The following IL17RA variants were observed in gnomAD, a reference collection of about 807,000 sequenced individuals.
IL17RA encodes the protein interleukin 17 receptor A.
IL17RA carries 34 observed loss-of-function variants against 50.4 expected under a neutral mutation model. The ratio of observed to expected loss-of-function variants is 0.67; its 90% CI spans 0.51 to 0.90. The LOEUF is 0.90. IL17RA is among the 40% of genes least tolerant of loss of function. IL17RA has a pLI of 0.00. For missense variants in IL17RA, 1,276 were observed against 1,169.8 expected (o/e 1.09, Z -1.32); for synonymous variants, 585 against 510.4 (o/e 1.15, Z -1.97).
At chr22:17,105,689 C>A in intron 10 of IL17RA, 87 bp downstream of exon 10, 1 of 1,517,458 alleles carries the variant, frequency 6.6e-7, no homozygotes, top group Non-Finnish European at 9.1e-7. Flanking sequence ...CTCAGCCAGG[C>A]AGACAAGGCT....
At position 17,114,562 on chromosome 22, in the gene IL17RA, G is replaced by A. The variant is rs1388253655; in HGVS notation, c.*4742G>A. On this transcript the variant is annotated 3_prime_UTR_variant, in exon 13 of 13. Transcript: ENST00000319363. ...TCCTCTCTGATGAGACAGGAAGAAG[G>A]TACACAGTGACCAGGTAGGAGGAGG... is the stretch of plus-strand genomic sequence containing the variant. The A allele has an allele frequency of 6.6e-6, 1 of 152,288 alleles. No individual in the cohort carries two copies. Among genetic ancestry groups the A allele is most frequent in the African/African-American group, 2.4e-5 (1 of 41,416 alleles). 9.4% of individuals were successfully genotyped at this position (152,288 alleles called of 1,614,324 possible).
At position 17,112,100 on chromosome 22, in the gene IL17RA, T is replaced by G. The variant is rs566620208; in HGVS notation, c.*2280T>G. The stretch of plus-strand genomic sequence containing the variant: ...TGACCTTTCCCTAGCTTCCAATAAA[T>G]AACTGTTTGACGCCCAGAGTACAGG... On this transcript the variant is annotated 3_prime_UTR_variant, in exon 13 of 13. Transcript: ENST00000319363. 4 of 152,348 alleles carry G rather than the reference T, an allele frequency of 2.6e-5. No homozygotes were observed. In the East Asian group the frequency reaches 7.7e-4, roughly 29 times the overall value. The allele number at this position is 152,348 out of a possible 1,614,324, so 9.4% of individuals were successfully genotyped here.
At chr22:17,104,033 T>A (rs13054229) in intron 8 of IL17RA, among the ~76,000 whole-genome samples, 9 of 2,608 alleles carry the variant, frequency 3.5e-3, no homozygotes, top group Admixed American at 9.8e-3. Context: ...AGGTGGAGAG[T>A]GTGGTGTGGC....
intron 1 of IL17RA, among the ~76,000 whole-genome samples, chr22:17,091,597 G>T (rs1410419633): frequency 6.6e-6 from 1 of 151,900 alleles, no homozygotes; most frequent in African/African-American, 2.4e-5. Context: ...AGAATGGGGG[G>T]AACCTGGGAG....
Position 17,094,668 on chromosome 22 carries a change from T to TCTCTCTCTCTCTCTCTCTCTCTCC in IL17RA, c.139-2371_139-2370insCCTCTCTCTCTCTCTCTCTCTCTC, listed in dbSNP as rs1568917395. On this transcript the variant is annotated intron_variant, in intron 1 of 12. Coordinates refer to ENST00000319363, the MANE Select transcript of IL17RA (RefSeq NM_014339.7). ...TAGTCATACACACACTCTCTCTCTCTCTCTCTCTCTCTCTCTCTCTCTCTA... is the reference window on the plus strand; with the variant it reads ...TAGTCATACACACACTCTCTCTCTCTCTCTCTCTCTCTCTCTCTCTCTCCCTCTCTCTCTCTCTCTCTCTCTCTA... Among the ~76,000 whole-genome samples the TCTCTCTCTCTCTCTCTCTCTCTCC allele has an allele frequency of 7.9e-4, 27 of 34,390 alleles. 1 individual carries two copies. Among genetic ancestry groups the TCTCTCTCTCTCTCTCTCTCTCTCC allele is most frequent in the African/African-American group, 4.5e-3 (24 of 5,378 alleles). 22.6% of individuals were successfully genotyped at this position (34,390 alleles called of 152,430 possible).
At position 17,102,122 on chromosome 22, in the gene IL17RA, G is replaced by C. The variant is rs41444249; in HGVS notation, c.599-17G>C. 3.7e-6 allele frequency: 6 copies of C among 1,614,000 alleles called. No individual in the cohort carries two copies. In the African/African-American group the frequency reaches 8.0e-5, roughly 22 times the overall value. ...GTGCCCCTCCTCACTCCCAGCCTGC[G>C]TGTGTGACCTTGGCAGGCAGCCTGT... On this transcript the variant is annotated splice_polypyrimidine_tract_variant and intron_variant, in intron 6 of 12. Transcript: ENST00000319363.
At chr22:17,085,897 G>A (rs917564847) in intron 1 of IL17RA, among the ~76,000 whole-genome samples, 4 of 152,180 alleles carry the variant, frequency 2.6e-5, no homozygotes, top group Non-Finnish European at 4.4e-5. Context: ...TGCCGAGGGC[G>A]GCTGAGGGCC....
chr22:17,109,501 G>A lies in IL17RA; in HGVS notation c.2282G>A (p.Ser761Asn). ...CTCTCGCTCTTCGAGCAGAGTCTGA[G>A]CTGCCAGGCCCAGGGGGGCTGCAGT... ...LMLSLFEQSLSCQAQGGCSRP... is the reference protein window; with the variant it reads ...LMLSLFEQSLNCQAQGGCSRP... The change falls in exon 13 of 13, where the codon AGC (serine) becomes AAC (asparagine). Residue 761 changes from serine to asparagine, a missense_variant. Physicochemically the swap from Ser to Asn is conservative, Grantham distance 46. Transcript: ENST00000319363. The A allele has an allele frequency of 6.2e-7, 1 of 1,604,946 alleles. No individual in the cohort carries two copies. The highest frequency in any genetic ancestry group is 8.5e-7 in the Non-Finnish European group (1 of 1,175,612).
intron 1 of IL17RA, among the ~76,000 whole-genome samples, chr22:17,094,691 C>CTCTCTCTCTATATATATATATATA (rs1448096911): frequency 8.1e-5 from 2 of 24,700 alleles, no homozygotes; most frequent in African/African-American, 2.3e-4. Flanking sequence ...CTCTCTCTCT[C>CTCTCTCTCTATATATATATATATA]TATATATATA....
chr22:17,108,593 C>T lies in IL17RA; in HGVS notation c.1374C>T (p.Leu458=). The T allele has an allele frequency of 6.2e-7, 1 of 1,605,256 alleles. No homozygotes were observed. The highest frequency in any genetic ancestry group is 8.5e-7 in the Non-Finnish European group (1 of 1,179,682). The change falls in exon 13 of 13, where the codon CTC becomes CTT. Residue 458 remains leucine, a synonymous_variant. Transcript: ENST00000319363. ...SRGTRAKWQA[L]LGRGAPVRLR... ...GCACGCGCGCCAAGTGGCAGGCGCTCCTGGGCCGGGGGGCGCCTGTGCGGC... is the reference window on the plus strand; with the variant it reads ...GCACGCGCGCCAAGTGGCAGGCGCTTCTGGGCCGGGGGGCGCCTGTGCGGC...
chr22:17,113,743 T>G lies in IL17RA; in HGVS notation c.*3923T>G, dbSNP rs1377231796. On this transcript the variant is annotated 3_prime_UTR_variant, in exon 13 of 13. Transcript: ENST00000319363. ...CGCTGCTCCAGCAGCCGGGCCTGCA[T>G]CCCACAAGTCAACTGTGTCGGACAG... 1 of 152,262 alleles carries G rather than the reference T, an allele frequency of 6.6e-6. No individual in the cohort carries two copies. The highest frequency in any genetic ancestry group is 1.5e-5 in the Non-Finnish European group (1 of 68,062). 9.4% of individuals were successfully genotyped at this position (152,262 alleles called of 1,614,324 possible). A position where few individuals can be genotyped will look rare whatever the true frequency, so the allele number is the denominator to read the frequency against.
At position 17,108,647 on chromosome 22, in the gene IL17RA, G is replaced by C. The variant is rs751296346; in HGVS notation, c.1428G>C (p.Gly476=). Residue 476 remains glycine, a synonymous_variant, in exon 13 of 13, where the codon GGG becomes GGC. Coordinates refer to ENST00000319363, the MANE Select transcript of IL17RA (RefSeq NM_014339.7). ...GCTGCGACCACGGAAAGCCCGTGGGGGACCTGTTCACTGCAGCCATGAACA... is the reference window on the plus strand; with the variant it reads ...GCTGCGACCACGGAAAGCCCGTGGGCGACCTGTTCACTGCAGCCATGAACA... ...RLRCDHGKPV[G]DLFTAAMNMI... The C allele has an allele frequency of 7.5e-6, 12 of 1,606,662 alleles. No individual in the cohort carries two copies. The highest frequency in any genetic ancestry group is 1.0e-5 in the Non-Finnish European group (12 of 1,179,740).
At chr22:17,099,091 G>A (rs1448764489) in intron 4 of IL17RA, among the ~76,000 whole-genome samples, 4 of 152,118 alleles carry the variant, frequency 2.6e-5, no homozygotes, top group Admixed American at 6.6e-5. Flanking sequence ...GGGACAGAGC[G>A]TATTTTTGAA....
intron 1 of IL17RA, among the ~76,000 whole-genome samples, chr22:17,094,718 T>TATATATATATATATA (rs1228649948): frequency 4.7e-4 from 55 of 116,212 alleles, no homozygotes; most frequent in African/African-American, 8.8e-4. Flanking sequence ...TATATATATA[T>TATATATATATATATA]TCAGGGAGAT....
At position 17,108,866 on chromosome 22, in the gene IL17RA, C is replaced by T. The variant is rs1568923665; in HGVS notation, c.1647C>T (p.Arg549=). 6.2e-7 allele frequency: 1 copy of T among 1,609,780 alleles called. No homozygotes were observed. Among genetic ancestry groups the T allele is most frequent in the Non-Finnish European group, 8.5e-7 (1 of 1,178,346 alleles). ...LEMFQPGRMH[R]VGELSGDNYL... Reference sequence around the variant, plus strand: ...TGTTCCAGCCGGGCCGCATGCACCGCGTAGGGGAGCTGTCGGGGGACAACT... The same window carrying T: ...TGTTCCAGCCGGGCCGCATGCACCGTGTAGGGGAGCTGTCGGGGGACAACT... The change falls in exon 13 of 13, where the codon CGC becomes CGT. Residue 549 remains arginine (R), a synonymous_variant. Transcript: ENST00000319363.
chr22:17,094,367 C>G (rs972149031), intron 1 of IL17RA, among the ~76,000 whole-genome samples: 6 of 151,776 alleles, frequency 4.0e-5, no homozygotes, highest in African/African-American at 1.5e-4. Flanking sequence ...CTTTTGTCCA[C>G]TGAGTTTGGC....
chr22:17,085,139 G>C lies in IL17RA; in HGVS notation c.48G>C (p.Leu16=). The change falls in exon 1 of 13, where the codon CTG becomes CTC. Residue 16 remains leucine, a synonymous_variant. Coordinates refer to ENST00000319363, the MANE Select transcript of IL17RA (RefSeq NM_014339.7). ...CGTCCGCTGTCCCGGGGCCCCTGCTGGGGCTGCTCCTGCTGCTCCTGGGCG... is the reference window on the plus strand; with the variant it reads ...CGTCCGCTGTCCCGGGGCCCCTGCTCGGGCTGCTCCTGCTGCTCCTGGGCG... ...SPPSAVPGPL[L]GLLLLLLGVL... 3.3e-6 allele frequency: 5 copies of C among 1,496,282 alleles called. No individual in the cohort carries two copies. Among genetic ancestry groups the C allele is most frequent in the Non-Finnish European group, 4.4e-6 (5 of 1,127,440 alleles). 92.7% of individuals were successfully genotyped at this position (1,496,282 alleles called of 1,614,324 possible). A position where few individuals can be genotyped will look rare whatever the true frequency, so the allele number is the denominator to read the frequency against.
intron 1 of IL17RA, among the ~76,000 whole-genome samples, chr22:17,095,776 G>A (rs1464503566): frequency 1.3e-5 from 2 of 152,134 alleles, no homozygotes; most frequent in African/African-American, 4.8e-5. Context: ...ATGCTAGCCC[G>A]GGACCTGTAG....
intron 5 of IL17RA, among the ~76,000 whole-genome samples, chr22:17,101,559 A>C (rs1241931293): frequency 6.6e-6 from 1 of 152,160 alleles, no homozygotes; most frequent in Non-Finnish European, 1.5e-5. Flanking sequence ...GTTGGTGCTC[A>C]ATATGTATTT....
Sources: gnomAD v4.1 joint callset for allele counts (sites outside exome capture counted in the v4.1 genomes callset) on GRCh38, gnomAD v4.1.1 for gene constraint, MANE v1.5 for transcripts, NCBI Gene and HGNC (gene_info 2026-07-23, HGNC 2026-07-21) for gene names.